Variants in CNTNAP2 observed in about 807,000 individuals in gnomAD.
The protein encoded by CNTNAP2 is contactin-associated protein-like 2.
In CNTNAP2, 98 loss-of-function variants were observed where a neutral mutation model predicts 155.2. The observed-to-expected ratio is 0.63, with a 90% confidence interval of 0.54 to 0.75. The LOEUF (loss-of-function observed/expected upper bound fraction) is 0.75, where lower values mean the gene tolerates loss of function less well. Ranked by LOEUF, CNTNAP2 falls within the 30% of genes least tolerant of loss-of-function variation. The pLI is 0.00. For synonymous variants in CNTNAP2, 651 were observed against 631.2 expected (o/e 1.03, Z -0.47); for missense variants, 1,727 against 1,688.1 (o/e 1.02, Z -0.40).
chr7:147,737,515 C>T (rs1016863634), intron 13 of CNTNAP2, among the ~76,000 whole-genome samples: 15 of 149,388 alleles, frequency 1.0e-4, no homozygotes, highest in East Asian at 8.3e-4. Flanking sequence ...TCTCAAGCTC[C>T]GTGCTGGGAG....
chr7:147,193,318 G>T (rs1372188507), intron 8 of CNTNAP2, among the ~76,000 whole-genome samples: 3 of 152,182 alleles, frequency 2.0e-5, no homozygotes, highest in African/African-American at 7.2e-5. Context: ...TTCCAACCAA[G>T]GTCTGTCTAA....
chr7:147,705,560 G>C (rs532968673), intron 13 of CNTNAP2, among the ~76,000 whole-genome samples: 1 of 152,204 alleles, frequency 6.6e-6, no homozygotes, highest in East Asian at 1.9e-4. Flanking sequence ...ATGTCTGTTA[G>C]GTCCATTTGG....
chr7:147,375,675 A>G (rs1796421980), intron 9 of CNTNAP2, among the ~76,000 whole-genome samples: 1 of 151,860 alleles, frequency 6.6e-6, no homozygotes, highest in Non-Finnish European at 1.5e-5. Context: ...TCGCACAGAT[A>G]CCTCTCCCCA....
intron 21 of CNTNAP2, among the ~76,000 whole-genome samples, chr7:148,319,227 T>C (rs1340554092): frequency 6.6e-6 from 1 of 152,190 alleles, no homozygotes; most frequent in Non-Finnish European, 1.5e-5. Flanking sequence ...AATTAAGTAC[T>C]TTTCCCTTTA....
chr7:146,543,930 C>A (rs1797991075), intron 1 of CNTNAP2, among the ~76,000 whole-genome samples: 2 of 151,830 alleles, frequency 1.3e-5, no homozygotes, highest in Non-Finnish European at 2.9e-5. Context: ...TAATGAACCT[C>A]ATTTTGCAGT....
intron 13 of CNTNAP2, among the ~76,000 whole-genome samples, chr7:147,690,366 A>G (rs1367518963): frequency 6.6e-6 from 1 of 152,074 alleles, no homozygotes; most frequent in Non-Finnish European, 1.5e-5. Context: ...CTTTCATTTT[A>G]TTGCATTTCT....
chr7:147,593,697 T>TAATC (rs1040427584), intron 12 of CNTNAP2, among the ~76,000 whole-genome samples: 2 of 152,224 alleles, frequency 1.3e-5, no homozygotes, highest in Admixed American at 1.3e-4. Flanking sequence ...ATCCTACAGG[T>TAATC]AATCCTACTG....
rs10238851 is a variant in CNTNAP2 at position 146,850,556 on chromosome 7, A to G, written c.402+10652A>G. On this transcript the variant is annotated intron_variant, in intron 3 of 23. Transcript: ENST00000361727. ...CAACTAATATGTGAGGATATAGATT[A>G]TTATTTTTATGATTAAGCCCTATTT... 2.4e-3 allele frequency among the ~76,000 whole-genome samples: 373 copies of G among 152,268 alleles called. 2 individuals are homozygous for G. The highest frequency in any genetic ancestry group is 8.1e-3 in the African/African-American group (338 of 41,566).
At chr7:148,179,249 C>T (rs896053150) in intron 18 of CNTNAP2, among the ~76,000 whole-genome samples, 1 of 152,176 alleles carries the variant, frequency 6.6e-6, no homozygotes, top group African/African-American at 2.4e-5. Flanking sequence ...CTGGCTCACA[C>T]CTGAATCCCA....
intron 11 of CNTNAP2, among the ~76,000 whole-genome samples, chr7:147,490,718 T>C (rs1798592786): frequency 1.3e-5 from 2 of 152,128 alleles, no homozygotes; most frequent in Admixed American, 6.5e-5. Flanking sequence ...GCGTTGGATA[T>C]GGTATTAGTC....
intron 9 of CNTNAP2, among the ~76,000 whole-genome samples, chr7:147,386,201 G>A (rs923627826): frequency 1.3e-5 from 2 of 152,112 alleles, no homozygotes; most frequent in Admixed American, 6.5e-5. Context: ...AAACCTCCAG[G>A]CCTGTGATGG....
At chr7:147,143,451 A>G (rs1366907218) in intron 8 of CNTNAP2, among the ~76,000 whole-genome samples, 1 of 152,200 alleles carries the variant, frequency 6.6e-6, no homozygotes, top group Non-Finnish European at 1.5e-5. Flanking sequence ...ACTCTGTTCA[A>G]AAATGCTTCA....
intron 8 of CNTNAP2, among the ~76,000 whole-genome samples, chr7:147,171,275 G>A (rs768865610): frequency 1.3e-5 from 2 of 152,120 alleles, no homozygotes; most frequent in Non-Finnish European, 2.9e-5. Context: ...TAGCATCTGC[G>A]TGTTTTCTTC....
intron 1 of CNTNAP2, among the ~76,000 whole-genome samples, chr7:146,529,738 G>A (rs564827016): frequency 5.9e-5 from 9 of 152,038 alleles, no homozygotes; most frequent in African/African-American, 1.2e-4. Flanking sequence ...AGTCTGAGGC[G>A]GGCAGTTCAC....
chr7:147,456,317 A>G lies in CNTNAP2; in HGVS notation c.1671-29618A>G, dbSNP rs140727843. ...CTAGAACTACCTCTGCTTACAGATGATATTATTAGTTACTTGAAAACTGAA... is the reference window on the plus strand; with the variant it reads ...CTAGAACTACCTCTGCTTACAGATGGTATTATTAGTTACTTGAAAACTGAA... On this transcript the variant is annotated intron_variant, in intron 10 of 23. Coordinates refer to ENST00000361727, the MANE Select transcript of CNTNAP2 (RefSeq NM_014141.6). 3.7e-4 allele frequency among the ~76,000 whole-genome samples: 57 copies of G among 152,252 alleles called. No homozygotes were observed. The East Asian group carries it at 9.3e-3, about 25-fold the overall frequency.
chr7:147,754,032 C>T (rs564147508), intron 13 of CNTNAP2, among the ~76,000 whole-genome samples: 16 of 152,134 alleles, frequency 1.1e-4, no homozygotes, highest in Admixed American at 3.3e-4. Flanking sequence ...CTGCAGCCCT[C>T]GTTTCAGCTC....
At chr7:147,795,379 A>G (rs1425363937) in intron 13 of CNTNAP2, among the ~76,000 whole-genome samples, 3 of 151,746 alleles carry the variant, frequency 2.0e-5, no homozygotes, top group African/African-American at 7.3e-5. Flanking sequence ...TTGCCATTTT[A>G]CTTTTTGTTT....
At chr7:147,528,295 G>T (rs1799362389) in intron 11 of CNTNAP2, among the ~76,000 whole-genome samples, 1 of 152,192 alleles carries the variant, frequency 6.6e-6, no homozygotes, top group Non-Finnish European at 1.5e-5. Flanking sequence ...AAGGCAGACT[G>T]CATGGGTTAG....
intron 1 of CNTNAP2, among the ~76,000 whole-genome samples, chr7:146,758,509 G>A (rs1452958636): frequency 6.6e-6 from 1 of 152,128 alleles, no homozygotes; most frequent in Non-Finnish European, 1.5e-5. Flanking sequence ...ATTTACAGAA[G>A]TAAGAACTTT....
Sources: gnomAD v4.1 joint callset for allele counts (sites outside exome capture counted in the v4.1 genomes callset) on GRCh38, gnomAD v4.1.1 for gene constraint, MANE v1.5 for transcripts, NCBI Gene and HGNC (gene_info 2026-07-23, HGNC 2026-07-21) for gene names.